Variants in DNAI3 observed in about 807,000 individuals in gnomAD.
The protein encoded by DNAI3 is dynein axonemal intermediate chain 3, also known as WD repeat domain 63.
Under a neutral mutation model 115.5 loss-of-function variants are expected in DNAI3, and 83 were observed. The observed-to-expected ratio is 0.72, with a 90% CI of 0.60 to 0.86. DNAI3 has a LOEUF of 0.86. Among genes scored for constraint, DNAI3 ranks in the 40% least tolerant of loss-of-function variants. The pLI is 0.00. For synonymous variants in DNAI3, 320 were observed against 347.0 expected (o/e 0.92, Z 0.86); for missense variants, 1,004 against 1,075.8 (o/e 0.93, Z 0.93).
In DNAI3 at chr1:85,073,092, G is replaced by C. The variant is rs1571155761; in HGVS notation, c.103G>C (p.Gly35Arg). The change falls in exon 3 of 23, where the codon GGT becomes CGT. Residue 35 changes from glycine (G) to arginine (R), a missense_variant and splice_region_variant. Physicochemically the swap from Gly to Arg is moderately radical, Grantham distance 125. Around this residue, in one of 3 missense-constraint regions of DNAI3, gnomAD observed 550 missense variants for 568.1 expected, o/e 0.97. Transcript: ENST00000294664. ...GGAACCAGTAAATATGGAGAGCATG[G>C]GTAAGTGGAAATATAATTTACAACT... is the stretch of plus-strand genomic sequence containing the variant. ...DMEPVNMESMGHPEIYPLVLT... is the reference protein window; with the variant it reads ...DMEPVNMESMRHPEIYPLVLT... The C allele has an allele frequency of 1.3e-6, 2 of 1,535,672 alleles. No homozygotes were observed.
At chr1:85,100,191 CA>C (rs1176987238) in intron 13 of DNAI3, among the ~76,000 whole-genome samples, 1 of 152,026 alleles carries the variant, frequency 6.6e-6, no homozygotes, top group Non-Finnish European at 1.5e-5. Flanking sequence ...AGGCAACCTA[CA>C]AAATGGGAGA....
At chr1:85,067,966 C>T (rs1042599066) in intron 1 of DNAI3, among the ~76,000 whole-genome samples, 1 of 152,130 alleles carries the variant, frequency 6.6e-6, no homozygotes, top group African/African-American at 2.4e-5. Context: ...AGTTTTAAGT[C>T]ACAAAATTTG....
rs1388659366 is a variant in DNAI3, at chr1:85,084,675, G to T, written c.520G>T (p.Val174Phe). The T allele has an allele frequency of 6.5e-7, 1 of 1,534,270 alleles. No individual in the cohort carries two copies. Among genetic ancestry groups the T allele is most frequent in the African/African-American group, 1.4e-5 (1 of 71,358 alleles). Residue 174 changes from valine to phenylalanine, a missense_variant, in exon 6 of 23, where the codon GTT (valine) becomes TTT (phenylalanine). Physicochemically the swap from Val to Phe is conservative, Grantham distance 50 (BLOSUM62 -1). Around this residue, in one of 3 missense-constraint regions of DNAI3, gnomAD observed 550 missense variants for 568.1 expected, o/e 0.97. Transcript: ENST00000294664. ...GSEKEIEEES[V>F]TESTKQITYM... ...TGAAAAAGAAATTGAGGAAGAATCA[G>T]TTACGGAATCTACAAAGCAGGTTAG...
At chr1:85,112,099 T>C (rs1364360888) in intron 16 of DNAI3, among the ~76,000 whole-genome samples, 1 of 152,058 alleles carries the variant, frequency 6.6e-6, no homozygotes, top group African/African-American at 2.4e-5. Flanking sequence ...TCACCCAGGC[T>C]GGCATGGAGG....
chr1:85,077,235 C>A (rs1265120573), intron 3 of DNAI3, among the ~76,000 whole-genome samples: 2 of 152,092 alleles, frequency 1.3e-5, no homozygotes, highest in Non-Finnish European at 1.5e-5. Flanking sequence ...ACAAATGATG[C>A]TGGAACAGTT....
intron 19 of DNAI3, among the ~76,000 whole-genome samples, chr1:85,125,666 A>G (rs936886822): frequency 6.6e-6 from 1 of 152,204 alleles, no homozygotes; most frequent in Non-Finnish European, 1.5e-5. Flanking sequence ...TGGGAGAAGT[A>G]GACAAGGAGA....
chr1:85,129,924 A>G, intron 21 of DNAI3, 66 bp from the exon 22 acceptor site: 3 of 1,520,128 alleles, frequency 2.0e-6, no homozygotes, highest in Middle Eastern at 1.8e-4. Flanking sequence ...AAATTCTAAC[A>G]GAGCCTTGTA....
chr1:85,122,927 T>C (rs1656031858), intron 18 of DNAI3, among the ~76,000 whole-genome samples: 1 of 152,148 alleles, frequency 6.6e-6, no homozygotes, highest in Non-Finnish European at 1.5e-5. Context: ...AGAATCCTCC[T>C]GTTACCTGAG....
At chr1:85,091,049 A>G (rs1654957368) in intron 8 of DNAI3, among the ~76,000 whole-genome samples, 1 of 152,208 alleles carries the variant, frequency 6.6e-6, no homozygotes, top group South Asian at 2.1e-4. Flanking sequence ...ACTTATGCCT[A>G]GGGAGACTCT....
intron 13 of DNAI3, among the ~76,000 whole-genome samples, chr1:85,103,732 C>A (rs1479139581): frequency 6.6e-6 from 1 of 151,638 alleles, no homozygotes; most frequent in Non-Finnish European, 1.5e-5. Context: ...ACTAAAAATA[C>A]AAAAATTGGC....
intron 14 of DNAI3, among the ~76,000 whole-genome samples, chr1:85,107,296 G>A (rs1455086163): frequency 1.3e-5 from 2 of 152,160 alleles, no homozygotes; most frequent in Non-Finnish European, 2.9e-5. Flanking sequence ...TTATAATAGT[G>A]AAAAAGCTGT....
intron 6 of DNAI3, among the ~76,000 whole-genome samples, chr1:85,085,161 C>T (rs112205497): frequency 0.022 from 3,387 of 152,250 alleles, 134 homozygotes; most frequent in African/African-American, 0.077. Flanking sequence ...AGGACAGAAA[C>T]AGGGAACAGA....
intron 17 of DNAI3, among the ~76,000 whole-genome samples, chr1:85,120,778 A>G (rs564555923): frequency 6.6e-6 from 1 of 152,288 alleles, no homozygotes; most frequent in African/African-American, 2.4e-5. Flanking sequence ...GAGTAGAGAG[A>G]GGGCTTGTCC....
At chr1:85,093,105 C>G (rs756653009) in intron 8 of DNAI3, among the ~76,000 whole-genome samples, 1 of 152,110 alleles carries the variant, frequency 6.6e-6, no homozygotes, top group African/African-American at 2.4e-5. Context: ...GCCTACTCAG[C>G]AGGAGCTCCA....
rs1293985236 is a variant in DNAI3, at chr1:85,065,195, A to G, written c.-15+2709A>G. Reference sequence around the variant, plus strand: ...CGTAAGGAAGAACCCAGTTAAAGAGAAGGTGCCAGTGCTACAAGTCCTTTC... The same window carrying G: ...CGTAAGGAAGAACCCAGTTAAAGAGGAGGTGCCAGTGCTACAAGTCCTTTC... On this transcript the variant is annotated intron_variant, in intron 1 of 22. Coordinates refer to ENST00000294664, the MANE Select transcript of DNAI3 (RefSeq NM_145172.5). Among the ~76,000 whole-genome samples, 5 of 152,150 alleles carry G rather than the reference A, an allele frequency of 3.3e-5. No homozygotes were observed. The East Asian group carries it at 9.7e-4, about 29-fold the overall frequency.
chr1:85,117,764 G>A lies in DNAI3; in HGVS notation c.1822G>A (p.Glu608Lys). 1 of 1,613,858 alleles carries A rather than the reference G, an allele frequency of 6.2e-7. No homozygotes were observed. Among genetic ancestry groups the A allele is most frequent in the South Asian group, 1.1e-5 (1 of 91,056 alleles). The change falls in exon 17 of 23, where the codon GAA becomes AAA. Residue 608 changes from glutamate (E) to lysine (K), a missense_variant. Transcript: ENST00000294664. ...AGCACAGAGCAAAACAGAGAAGGCA[G>A]AAGAAATGAACCCGTATCATAATCT... ...MLAQSKTEKAEEMNPYHNLES... is the reference protein window; with the variant it reads ...MLAQSKTEKAKEMNPYHNLES...
chr1:85,120,344 G>A lies in DNAI3; in HGVS notation c.1918-1407G>A, dbSNP rs150356559. Among the ~76,000 whole-genome samples, 5 of 152,358 alleles carry A rather than the reference G, an allele frequency of 3.3e-5. No individual in the cohort carries two copies. In the East Asian group the frequency reaches 9.6e-4, roughly 29 times the overall value. Reference sequence around the variant, plus strand: ...GAAGACAGGCAGGCGGTGATTTCAGGTGGGCCAGCCCAGAAATGAAAAGGG... The same window carrying A: ...GAAGACAGGCAGGCGGTGATTTCAGATGGGCCAGCCCAGAAATGAAAAGGG... On this transcript the variant is annotated intron_variant, in intron 17 of 22. Transcript: ENST00000294664.
intron 21 of DNAI3, among the ~76,000 whole-genome samples, chr1:85,129,182 C>A (rs890563769): frequency 6.6e-6 from 1 of 152,138 alleles, no homozygotes. Flanking sequence ...CGGCTCCCAA[C>A]CCAACTTGGA....
At position 85,130,341 on chromosome 1, in the gene DNAI3, C is replaced by T. The variant is rs1259571628; in HGVS notation, c.2532+229C>T. 4.6e-5 allele frequency among the ~76,000 whole-genome samples: 7 copies of T among 152,090 alleles called. No individual in the cohort carries two copies. In the East Asian group the frequency reaches 7.7e-4, roughly 17 times the overall value. On this transcript the variant is annotated intron_variant, in intron 22 of 22. Transcript: ENST00000294664. ...CTGAAATTTTCTATAATTTCAAAGT[C>T]CTTTAGTACAGATACCTTAATTCAA...
Sources: allele counts gnomAD v4.1 joint callset (sites outside exome capture counted in the v4.1 genomes callset), GRCh38; gene constraint gnomAD v4.1.1; regional missense constraint gnomAD v4.1.1; transcripts MANE v1.5; gene names NCBI Gene and HGNC (gene_info 2026-07-23, HGNC 2026-07-21).